Variants in CSMD2 observed in about 807,000 individuals in gnomAD.
CSMD2 encodes CUB and Sushi multiple domains 2.
In CSMD2, 130 loss-of-function variants were observed where a neutral mutation model predicts 398.5. The observed-to-expected ratio is 0.33, with a 90% CI of 0.28 to 0.38. The LOEUF (loss-of-function observed/expected upper bound fraction) is 0.38, where lower values mean the gene tolerates loss of function less well. Ranked by LOEUF, CSMD2 falls within the 10% of genes least tolerant of loss-of-function variation. The pLI, the probability that CSMD2 is intolerant of heterozygous loss-of-function variation, is 1.00. For missense variants in CSMD2, 3,829 were observed against 4,764.9 expected, an observed-to-expected ratio of 0.80 and a Z score of 5.78; for synonymous variants, 1,828 against 1,908.5, an observed-to-expected ratio of 0.96 and a Z score of 1.10.
At chr1:33,864,802 C>T (rs1639860862) in intron 5 of CSMD2, 1 of 1,486,646 alleles carries the variant, frequency 6.7e-7, no homozygotes, top group African/African-American at 1.4e-5. Context: ...TTTCCTGTTC[C>T]TGGTCTCATG....
chr1:33,549,597 A>G (rs567464070), intron 56 of CSMD2, among the ~76,000 whole-genome samples: 3 of 152,342 alleles, frequency 2.0e-5, no homozygotes, highest in African/African-American at 7.2e-5. Context: ...TTAGCAGTAA[A>G]AGGAACTTAA....
intron 2 of CSMD2, among the ~76,000 whole-genome samples, chr1:34,061,265 G>GTGTGCCAGGCTC (rs1654471755): frequency 6.6e-6 from 1 of 152,216 alleles, no homozygotes; most frequent in South Asian, 2.1e-4. Context: ...AGGCTGGACA[G>GTGTGCCAGGCTC]TGTGCCAGGC....
rs1226387657 is a variant in CSMD2, at chr1:33,698,811, C to T, written c.3867G>A (p.Glu1289=). ...GGCGCTCTCCACTCAGACACAGCAG[C>T]TCCTCACTACCCCGCAGGCTGTATC... The part of the protein sequence containing the change: ...DPGYSLRGSE[E]LLCLSGERRT... The change falls in exon 24 of 71, where the codon GAG becomes GAA. Residue 1289 remains glutamate, a synonymous_variant. Transcript: ENST00000373381. The T allele has an allele frequency of 5.0e-6, 8 of 1,614,074 alleles. No individual in the cohort carries two copies. The highest frequency in any genetic ancestry group is 1.7e-6 in the Non-Finnish European group (2 of 1,180,030).
intron 2 of CSMD2, among the ~76,000 whole-genome samples, chr1:34,038,698 C>T (rs537758941): frequency 1.4e-4 from 22 of 152,310 alleles, no homozygotes; most frequent in African/African-American, 4.8e-4. Context: ...TCCAGCCCCC[C>T]AGTCTTCTTT....
At chr1:33,818,553 C>T (rs1214313673) in intron 9 of CSMD2, among the ~76,000 whole-genome samples, 2 of 152,148 alleles carry the variant, frequency 1.3e-5, no homozygotes, top group African/African-American at 4.8e-5. Flanking sequence ...GGGTGATTTG[C>T]CCAATTGCTG....
At position 33,836,610 on chromosome 1, in the gene CSMD2, G is replaced by A. The variant is rs183131301; in HGVS notation, c.1033+10274C>T. Reference sequence around the variant, plus strand: ...GCTGCCACCTTGCAGTTTGATCTCAGACTGCTGTGCTAGCAATGAGCGAGG... The same window carrying A: ...GCTGCCACCTTGCAGTTTGATCTCAAACTGCTGTGCTAGCAATGAGCGAGG... On this transcript the variant is annotated intron_variant, in intron 6 of 70. Coordinates refer to ENST00000373381, the MANE Select transcript of CSMD2 (RefSeq NM_001281956.2). Among the ~76,000 whole-genome samples the A allele has an allele frequency of 1.6e-4, 24 of 152,328 alleles. No homozygotes were observed. In the East Asian group the frequency reaches 4.6e-3, roughly 29 times the overall value.
chr1:33,852,175 C>T (rs927039503), intron 5 of CSMD2, among the ~76,000 whole-genome samples: 3 of 152,134 alleles, frequency 2.0e-5, no homozygotes, highest in African/African-American at 7.2e-5. Context: ...TCACCCCTAT[C>T]GCCAATTGTG....
In CSMD2 at chr1:33,712,796, G is replaced by C. The variant is rs113286804; in HGVS notation, c.3406+1791C>G. Among the ~76,000 whole-genome samples, 228 of 152,240 alleles carry C rather than the reference G, an allele frequency of 1.5e-3. 1 individual carries two copies. Among genetic ancestry groups the C allele is most frequent in the African/African-American group, 5.0e-3 (209 of 41,534 alleles). On this transcript the variant is annotated intron_variant, in intron 21 of 70. Coordinates refer to ENST00000373381, the MANE Select transcript of CSMD2 (RefSeq NM_001281956.2). ...CCAGACATGAACTGAACCTTCCTGG[G>C]GTGGGTGGCGGGGTTCTATGTGTTT...
intron 2 of CSMD2, among the ~76,000 whole-genome samples, chr1:34,074,567 A>G (rs1656101407): frequency 6.6e-6 from 1 of 152,222 alleles, no homozygotes; most frequent in African/African-American, 2.4e-5. Context: ...TCCTCCAGAG[A>G]GCATTGATTC....
intron 2 of CSMD2, among the ~76,000 whole-genome samples, chr1:34,072,197 C>G (rs1415009025): frequency 3.3e-5 from 5 of 152,190 alleles, no homozygotes; most frequent in African/African-American, 4.8e-5. Flanking sequence ...GCTCTTTTGT[C>G]ACTTAAAAGT....
At chr1:34,067,478 GA>G (rs1655245341) in intron 2 of CSMD2, among the ~76,000 whole-genome samples, 1 of 152,118 alleles carries the variant, frequency 6.6e-6, no homozygotes, top group African/African-American at 2.4e-5. Flanking sequence ...TTGTACATAA[GA>G]AACCAATATT....
chr1:33,788,759 C>A (rs41265917), intron 11 of CSMD2, 47 bp from the exon 12 acceptor site: 1 of 1,185,038 alleles, frequency 8.4e-7, no homozygotes, highest in Non-Finnish European at 1.3e-6. Context: ...CCATGACACC[C>A]GAATAGAATG....
chr1:33,652,921 A>AT (rs898059850), intron 27 of CSMD2, among the ~76,000 whole-genome samples: 9 of 151,108 alleles, frequency 6.0e-5, no homozygotes, highest in Middle Eastern at 3.4e-3. Flanking sequence ...TGCCCACCTA[A>AT]TTTTTTTTTG....
At chr1:33,864,798 G>A (rs1639860434) in intron 5 of CSMD2, 2 of 1,501,074 alleles carry the variant, frequency 1.3e-6, no homozygotes, top group Non-Finnish European at 1.8e-6. Context: ...CGTATTTCCT[G>A]TTCCTGGTCT....
chr1:33,844,415 A>G (rs964284475), intron 6 of CSMD2, among the ~76,000 whole-genome samples: 2 of 152,230 alleles, frequency 1.3e-5, no homozygotes, highest in African/African-American at 4.8e-5. Context: ...TCCTCACAAC[A>G]AAGAATTATC....
intron 6 of CSMD2, among the ~76,000 whole-genome samples, chr1:33,837,113 T>C (rs1353651847): frequency 6.6e-6 from 1 of 152,140 alleles, no homozygotes; most frequent in African/African-American, 2.4e-5. Context: ...GCCATCTTGT[T>C]TTTTTAACAG....
At chr1:33,718,201 G>A (rs911614518) in intron 19 of CSMD2, among the ~76,000 whole-genome samples, 1 of 152,146 alleles carries the variant, frequency 6.6e-6, no homozygotes, top group Admixed American at 6.5e-5. Flanking sequence ...TCCAGGGTGC[G>A]GCCTCTCAGG....
At chr1:34,043,698 T>C (rs555716577) in intron 2 of CSMD2, among the ~76,000 whole-genome samples, 34 of 152,342 alleles carry the variant, frequency 2.2e-4, no homozygotes, top group Admixed American at 7.2e-4. Flanking sequence ...CTGTCTGGCA[T>C]CTGGGAACCG....
chr1:33,564,375 G>A (rs978973040), intron 53 of CSMD2, among the ~76,000 whole-genome samples: 4 of 152,182 alleles, frequency 2.6e-5, no homozygotes, highest in Non-Finnish European at 5.9e-5. Context: ...ATATGGTCCA[G>A]TCTAACGTTC....
Sources: allele counts gnomAD v4.1 joint callset (sites outside exome capture counted in the v4.1 genomes callset), GRCh38; gene constraint gnomAD v4.1.1; transcripts MANE v1.5; gene names NCBI Gene and HGNC (gene_info 2026-07-23, HGNC 2026-07-21).